RCL1: variants seen among roughly 807,000 people sequenced by gnomAD.
RCL1 encodes the protein RNA 3'-terminal phosphate cyclase-like protein.
A neutral mutation model predicts 42.4 loss-of-function variants in RCL1; 24 were observed. The ratio of observed to expected loss-of-function variants is 0.57; its 90% CI spans 0.41 to 0.80. The LOEUF (loss-of-function observed/expected upper bound fraction) is 0.80, where lower values mean the gene tolerates loss of function less well. Among genes scored for constraint, RCL1 ranks in the 30% least tolerant of loss-of-function variants. The pLI, the probability that RCL1 is intolerant of heterozygous loss-of-function variation, is 0.00. For synonymous variants in RCL1, 228 were observed against 177.3 expected (o/e 1.29, Z -2.27); for missense variants, 578 against 467.9 (o/e 1.24, Z -2.17).
chr9:4,856,377 T>G (rs1396963261), intron 8 of RCL1, among the ~76,000 whole-genome samples: 1 of 152,198 alleles, frequency 6.6e-6, no homozygotes, highest in Non-Finnish European at 1.5e-5. Context: ...TTCTATCCAG[T>G]GCCTCTTTAC....
chr9:4,793,051 G>C lies in RCL1; in HGVS notation c.-41G>C, dbSNP rs767118857. 6.1e-5 allele frequency: 97 copies of C among 1,579,734 alleles called. No individual in the cohort carries two copies. The highest frequency in any genetic ancestry group is 7.9e-5 in the Non-Finnish European group (92 of 1,161,684). On this transcript the variant is annotated 5_prime_UTR_variant, in exon 1 of 9. Coordinates refer to ENST00000381750, the MANE Select transcript of RCL1 (RefSeq NM_005772.5). ...ACGAGTCCCGCGTCTGTCCGAAGTC[G>C]CCGCTCTCGGGCTGCTCACGTCTCT...
At chr9:4,844,426 T>A in intron 6 of RCL1, 99 bp from the exon 7 acceptor site, 1 of 874,944 alleles carries the variant, frequency 1.1e-6, no homozygotes, top group Non-Finnish European at 1.8e-6. Context: ...TTGAACACAG[T>A]GCCGTCAAAA....
intron 3 of RCL1, among the ~76,000 whole-genome samples, chr9:4,828,241 A>G (rs1482351003): frequency 6.6e-6 from 1 of 151,832 alleles, no homozygotes; most frequent in Non-Finnish European, 1.5e-5. Flanking sequence ...CTTTACCATT[A>G]CAGGCCAAGA....
intron 8 of RCL1, among the ~76,000 whole-genome samples, chr9:4,857,725 A>G (rs1317275068): frequency 6.6e-6 from 1 of 152,060 alleles, no homozygotes; most frequent in Non-Finnish European, 1.5e-5. Context: ...TTACATTCCC[A>G]CCAGCAGTGT....
intron 8 of RCL1, among the ~76,000 whole-genome samples, chr9:4,854,617 G>A (rs537125188): frequency 1.3e-5 from 2 of 152,236 alleles, no homozygotes; most frequent in African/African-American, 4.8e-5. Context: ...TCAAAAGAGG[G>A]GTCTGGTGGG....
At chr9:4,829,938 C>T (rs1816895147) in intron 3 of RCL1, among the ~76,000 whole-genome samples, 1 of 152,210 alleles carries the variant, frequency 6.6e-6, no homozygotes, top group African/African-American at 2.4e-5. Flanking sequence ...AGCTTCCTCT[C>T]TGCCCTCTGT....
intron 8 of RCL1, among the ~76,000 whole-genome samples, chr9:4,851,328 G>A (rs10974814): frequency 0.031 from 4,769 of 152,270 alleles, 240 homozygotes; most frequent in African/African-American, 0.11. Flanking sequence ...GCCTCCCAGA[G>A]CTTTGTGCAG....
intron 7 of RCL1, among the ~76,000 whole-genome samples, chr9:4,848,081 A>T (rs1352025568): frequency 1.3e-5 from 2 of 152,218 alleles, no homozygotes; most frequent in Non-Finnish European, 2.9e-5. Context: ...AAATAACAAC[A>T]GTGATAGGAA....
At chr9:4,854,581 G>A (rs962686048) in intron 8 of RCL1, among the ~76,000 whole-genome samples, 1 of 152,080 alleles carries the variant, frequency 6.6e-6, no homozygotes, top group Admixed American at 6.6e-5. Context: ...CCCCATGATT[G>A]CCTTCACCCC....
At chr9:4,827,274 T>G in intron 3 of RCL1, 1 of 1,379,490 alleles carries the variant, frequency 7.2e-7, no homozygotes. Context: ...CCTAAGAACC[T>G]TCAAAACAGA....
chr9:4,816,352 G>T (rs1816377470), intron 1 of RCL1, among the ~76,000 whole-genome samples: 1 of 151,992 alleles, frequency 6.6e-6, no homozygotes, highest in Non-Finnish European at 1.5e-5. Flanking sequence ...TATAAATCTT[G>T]CCTATCCTTT....
At chr9:4,855,874 G>T (rs1817942247) in intron 8 of RCL1, among the ~76,000 whole-genome samples, 1 of 152,256 alleles carries the variant, frequency 6.6e-6, no homozygotes, top group Non-Finnish European at 1.5e-5. Flanking sequence ...AAATACACAG[G>T]CCTGCACACT....
intron 1 of RCL1, among the ~76,000 whole-genome samples, chr9:4,815,631 C>A (rs1816346192): frequency 6.6e-6 from 1 of 151,916 alleles, no homozygotes; most frequent in South Asian, 2.1e-4. Context: ...TAGGGTGTAT[C>A]CTCACGGGAA....
chr9:4,793,294 G>A (rs538292507), intron 1 of RCL1, 67 bp downstream of exon 1: 19 of 1,508,982 alleles, frequency 1.3e-5, no homozygotes, highest in East Asian at 8.0e-5. Context: ...TGATGCCGTG[G>A]GGGCCCGCGC....
At chr9:4,835,969 G>A (rs1817114365) in intron 5 of RCL1, among the ~76,000 whole-genome samples, 1 of 152,190 alleles carries the variant, frequency 6.6e-6, no homozygotes, top group African/African-American at 2.4e-5. Flanking sequence ...GCTGTGTGGA[G>A]GTGAGTGGAA....
At chr9:4,795,172 G>C (rs1842894651) in intron 1 of RCL1, among the ~76,000 whole-genome samples, 1 of 152,042 alleles carries the variant, frequency 6.6e-6, no homozygotes, top group Admixed American at 6.5e-5. Flanking sequence ...CCGCCTCCTG[G>C]GTTCCTGCAA....
intron 5 of RCL1, among the ~76,000 whole-genome samples, chr9:4,836,011 A>T (rs1817116281): frequency 6.6e-6 from 1 of 152,050 alleles, no homozygotes; most frequent in Non-Finnish European, 1.5e-5. Flanking sequence ...GTTGTTACCG[A>T]GTTAGGATGG....
At chr9:4,808,761 G>C (rs1816067873) in intron 1 of RCL1, among the ~76,000 whole-genome samples, 1 of 152,192 alleles carries the variant, frequency 6.6e-6, no homozygotes, top group Admixed American at 6.5e-5. Flanking sequence ...GGTTGCCCTT[G>C]ATTGTGAAAA....
At chr9:4,843,158 T>C (rs1178176859) in intron 6 of RCL1, among the ~76,000 whole-genome samples, 2 of 152,258 alleles carry the variant, frequency 1.3e-5, no homozygotes, top group Non-Finnish European at 2.9e-5. Flanking sequence ...CTAATAGTGC[T>C]CTTCCTTCTC....
Sources: gnomAD v4.1 joint callset for allele counts (sites outside exome capture counted in the v4.1 genomes callset) on GRCh38, gnomAD v4.1.1 for gene constraint, MANE v1.5 for transcripts, NCBI Gene and HGNC (gene_info 2026-07-23, HGNC 2026-07-21) for gene names.